Variants in SORCS3 observed in about 807,000 individuals in gnomAD.
SORCS3 encodes sortilin related VPS10 domain containing receptor 3.
SORCS3 carries 57 observed loss-of-function variants against 146.3 expected under a neutral mutation model. The observed-to-expected ratio is 0.39, with a 90% confidence interval of 0.31 to 0.49. The LOEUF (loss-of-function observed/expected upper bound fraction) is 0.49. SORCS3 is among the 20% of genes least tolerant of loss of function. The pLI is 0.92. For synonymous variants in SORCS3, 653 were observed against 618.5 expected, an observed-to-expected ratio of 1.06 and a Z score of -0.83; for missense variants, 1,341 against 1,575.5, an observed-to-expected ratio of 0.85 and a Z score of 2.52.
chr10:105,044,814 C>T (rs1410518961), intron 5 of SORCS3, among the ~76,000 whole-genome samples: 3 of 151,798 alleles, frequency 2.0e-5, no homozygotes, highest in East Asian at 1.9e-4. Flanking sequence ...AGCATGTTTG[C>T]CCCTTACAGG....
intron 1 of SORCS3, among the ~76,000 whole-genome samples, chr10:104,816,652 C>T (rs1327442009): frequency 6.6e-6 from 1 of 152,180 alleles, no homozygotes; most frequent in East Asian, 1.9e-4. Flanking sequence ...TTCAGCGCAC[C>T]TTCCAGACTC....
chr10:105,245,071 A>G (rs2119731270), intron 20 of SORCS3, among the ~76,000 whole-genome samples: 1 of 151,714 alleles, frequency 6.6e-6, no homozygotes, highest in East Asian at 1.9e-4. Context: ...TCTGTCAAAA[A>G]AAAAAAAAAA....
intron 6 of SORCS3, among the ~76,000 whole-genome samples, chr10:105,098,586 G>A (rs2055762527): frequency 6.6e-6 from 1 of 152,190 alleles, no homozygotes; most frequent in South Asian, 2.1e-4. Flanking sequence ...TCCTAGAGCT[G>A]TGGAACTTAG....
intron 4 of SORCS3, among the ~76,000 whole-genome samples, chr10:105,007,747 T>C (rs1211686722): frequency 6.6e-6 from 1 of 152,096 alleles, no homozygotes; most frequent in Non-Finnish European, 1.5e-5. Flanking sequence ...TAGTTAGTTA[T>C]AGGAGTGCTT....
intron 2 of SORCS3, among the ~76,000 whole-genome samples, chr10:104,863,233 A>T (rs186069707): frequency 1.3e-5 from 2 of 152,288 alleles, no homozygotes; most frequent in East Asian, 3.9e-4. Flanking sequence ...TTCTCACTTC[A>T]GAGTTTGGAA....
chr10:105,112,574 G>A (rs1025878336), intron 7 of SORCS3, among the ~76,000 whole-genome samples: 2 of 152,126 alleles, frequency 1.3e-5, no homozygotes, highest in Admixed American at 6.5e-5. Flanking sequence ...CATCAGAGGA[G>A]GTGGTTTTCT....
At chr10:104,839,395 G>A (rs377659188) in intron 1 of SORCS3, among the ~76,000 whole-genome samples, 51 of 152,334 alleles carry the variant, frequency 3.3e-4, no homozygotes, top group African/African-American at 1.0e-3. Context: ...AAGTACAGGG[G>A]ATAATGAAAG....
At chr10:104,855,909 A>G (rs983393497) in intron 2 of SORCS3, among the ~76,000 whole-genome samples, 1 of 151,730 alleles carries the variant, frequency 6.6e-6, no homozygotes, top group Non-Finnish European at 1.5e-5. Context: ...CTGATTTCTA[A>G]TTTTTTTGTA....
At chr10:105,190,360 C>T (rs1344482465) in intron 14 of SORCS3, among the ~76,000 whole-genome samples, 1 of 152,166 alleles carries the variant, frequency 6.6e-6, no homozygotes, top group Admixed American at 6.5e-5. Flanking sequence ...TAGTTGTTAG[C>T]ATACCCTCAG....
chr10:105,106,418 TC>T (rs1448941591), intron 7 of SORCS3, among the ~76,000 whole-genome samples: 1 of 152,186 alleles, frequency 6.6e-6, no homozygotes, highest in East Asian at 1.9e-4. Context: ...TGACTCTCCA[TC>T]CTCTGAACCC....
intron 4 of SORCS3, among the ~76,000 whole-genome samples, chr10:105,003,744 C>G (rs1015246033): frequency 2.6e-5 from 4 of 152,106 alleles, no homozygotes; most frequent in African/African-American, 7.2e-5. Context: ...CTGGACCTCG[C>G]TTTGATTTAT....
At chr10:105,063,845 G>T (rs1361828417) in intron 5 of SORCS3, among the ~76,000 whole-genome samples, 2 of 152,176 alleles carry the variant, frequency 1.3e-5, no homozygotes, top group Non-Finnish European at 2.9e-5. Flanking sequence ...AAGAAGCCTG[G>T]AGAAGTAGTT....
At chr10:104,769,388 G>C (rs2017221164) in intron 1 of SORCS3, among the ~76,000 whole-genome samples, 1 of 152,196 alleles carries the variant, frequency 6.6e-6, no homozygotes, top group Admixed American at 6.5e-5. Flanking sequence ...AACAGTTTCA[G>C]AACCTGAGTA....
chr10:105,023,907 A>G (rs963084023), intron 4 of SORCS3, among the ~76,000 whole-genome samples: 3 of 152,132 alleles, frequency 2.0e-5, no homozygotes, highest in Admixed American at 6.5e-5. Flanking sequence ...AAATAGTATG[A>G]AATTATCAAA....
At chr10:105,132,050 T>C (rs1208612406) in intron 7 of SORCS3, among the ~76,000 whole-genome samples, 1 of 152,138 alleles carries the variant, frequency 6.6e-6, no homozygotes, top group South Asian at 2.1e-4. Context: ...CCCCTCCACA[T>C]AGAGGTTTGG....
In SORCS3 at chr10:105,207,383, G is replaced by A. The variant is rs118105857; in HGVS notation, c.2262-3754G>A. Among the ~76,000 whole-genome samples, 20 of 151,834 alleles carry A rather than the reference G, an allele frequency of 1.3e-4. No homozygotes were observed. The South Asian group carries it at 2.9e-3, about 22-fold the overall frequency. ...GGATTTGGAAAACATGCAGGTTCCC[G>A]GAAATGAAAAAGTTTTAGAACTTCT... On this transcript the variant is annotated intron_variant, in intron 16 of 26. Transcript: ENST00000369701.
intron 7 of SORCS3, among the ~76,000 whole-genome samples, chr10:105,133,476 C>T (rs996482703): frequency 3.9e-5 from 6 of 152,088 alleles, no homozygotes; most frequent in African/African-American, 7.2e-5. Flanking sequence ...TTAGAAAGCC[C>T]AGGTTTATAT....
chr10:105,152,851 G>T (rs1323988150), intron 9 of SORCS3, among the ~76,000 whole-genome samples: 1 of 152,112 alleles, frequency 6.6e-6, no homozygotes, highest in Non-Finnish European at 1.5e-5. Context: ...GAATTTAGTG[G>T]CTTGGCTCTG....
intron 2 of SORCS3, among the ~76,000 whole-genome samples, chr10:104,906,554 C>A (rs927003144): frequency 6.6e-6 from 1 of 152,190 alleles, no homozygotes; most frequent in African/African-American, 2.4e-5. Context: ...ATAAGCTTCA[C>A]AAAAGCCCTA....
Sources: gnomAD v4.1 joint callset for allele counts (sites outside exome capture counted in the v4.1 genomes callset) on GRCh38, gnomAD v4.1.1 for gene constraint, MANE v1.5 for transcripts, NCBI Gene and HGNC (gene_info 2026-07-23, HGNC 2026-07-21) for gene names.